Variants in DTWD2 observed in about 807,000 individuals in gnomAD.
The protein encoded by DTWD2 is DTW motif tRNA-uridine aminocarboxypropyltransferase 2, also known as tRNA-uridine aminocarboxypropyltransferase 2.
In DTWD2, 39 loss-of-function variants were observed where a neutral mutation model predicts 31.8. The ratio of observed to expected loss-of-function variants is 1.22; its 90% CI spans 0.95 to 1.60. The LOEUF (loss-of-function observed/expected upper bound fraction) is 1.60. Among genes scored for constraint, DTWD2 ranks in the 40% most tolerant of loss-of-function variants. DTWD2 has a pLI of 0.00. For missense variants in DTWD2, 515 were observed against 381.5 expected (o/e 1.35, Z -2.92); for synonymous variants, 180 against 142.8 (o/e 1.26, Z -1.86).
intron 4 of DTWD2, among the ~76,000 whole-genome samples, chr5:118,864,984 T>C (rs1387198869): frequency 6.6e-6 from 1 of 152,116 alleles, no homozygotes; most frequent in African/African-American, 2.4e-5. Context: ...CTACAGAAAG[T>C]GTTAATGAAA....
intron 1 of DTWD2, among the ~76,000 whole-genome samples, chr5:118,963,494 G>A (rs1280740700): frequency 1.3e-5 from 2 of 152,210 alleles, no homozygotes; most frequent in African/African-American, 4.8e-5. Flanking sequence ...GCAGGACTTG[G>A]ATGTTACACA....
In DTWD2 at chr5:118,863,844, C is replaced by G. The variant is rs368411348; in HGVS notation, c.598-15626G>C. 2.8e-4 allele frequency among the ~76,000 whole-genome samples: 43 copies of G among 152,098 alleles called. 1 individual carries two copies. The highest frequency in any genetic ancestry group is 1.0e-3 in the African/African-American group (43 of 41,456). On this transcript the variant is annotated intron_variant, in intron 4 of 5. Transcript: ENST00000510708. ...TAGTTCCTGTGTCCAAATTAGAAGA[C>G]TAAGGCTCAAAAACAGAGTACACAA...
At chr5:118,928,293 T>G (rs2149578666) in intron 4 of DTWD2, among the ~76,000 whole-genome samples, 1 of 152,054 alleles carries the variant, frequency 6.6e-6, no homozygotes, top group East Asian at 1.9e-4. Flanking sequence ...ATGCCTCAAC[T>G]ACAGTAAAAT....
chr5:118,847,272 G>A (rs1340114771), intron 5 of DTWD2, among the ~76,000 whole-genome samples: 1 of 152,078 alleles, frequency 6.6e-6, no homozygotes, highest in Non-Finnish European at 1.5e-5. Context: ...TTTCGCGTGT[G>A]TATGTGCGTG....
chr5:118,878,188 G>C (rs531965171), intron 4 of DTWD2, among the ~76,000 whole-genome samples: 95 of 152,218 alleles, frequency 6.2e-4, no homozygotes, highest in African/African-American at 2.2e-3. Context: ...AACCAAAAAA[G>C]AGCCCAAATA....
At chr5:118,859,274 T>C (rs1172290969) in intron 4 of DTWD2, among the ~76,000 whole-genome samples, 2 of 151,988 alleles carry the variant, frequency 1.3e-5, no homozygotes, top group East Asian at 1.9e-4. Flanking sequence ...AAAGGCAGGA[T>C]AAATAAAGAG....
chr5:118,844,849 C>T lies in DTWD2; in HGVS notation c.726+3241G>A, dbSNP rs146248591. 7.8e-4 allele frequency among the ~76,000 whole-genome samples: 119 copies of T among 152,296 alleles called. No homozygotes were observed. The East Asian group carries it at 0.021, about 27-fold the overall frequency. On this transcript the variant is annotated intron_variant, in intron 5 of 5. Coordinates refer to ENST00000510708, the MANE Select transcript of DTWD2 (RefSeq NM_173666.4). ...TGAAGCCAAGTGAAAATTTACTCTTCTCTGGCAGGCACAGTAGCTCAGACC... is the reference window on the plus strand; with the variant it reads ...TGAAGCCAAGTGAAAATTTACTCTTTTCTGGCAGGCACAGTAGCTCAGACC...
At chr5:118,964,522 C>A (rs1050626994) in intron 1 of DTWD2, among the ~76,000 whole-genome samples, 1 of 152,200 alleles carries the variant, frequency 6.6e-6, no homozygotes, top group African/African-American at 2.4e-5. Context: ...GCCATCTCTG[C>A]TCACTGCAAC....
At chr5:118,973,710 G>C in intron 1 of DTWD2, 1 of 1,528,258 alleles carries the variant, frequency 6.5e-7, no homozygotes. Context: ...CTCCGCCGCC[G>C]CGGACTCCGG....
At position 118,939,197 on chromosome 5, in the gene DTWD2, T is replaced by A. The variant is rs958314704; in HGVS notation, c.403A>T (p.Arg135Ter). 6.2e-7 allele frequency: 1 copy of A among 1,600,810 alleles called. No individual in the cohort carries two copies. Among genetic ancestry groups the A allele is most frequent in the African/African-American group, 1.3e-5 (1 of 74,270 alleles). ...ACATTGCCCTAACAGTTAATTTACCTTTCTTCACTGAAGCGACGACCGATC... is the reference window on the plus strand; with the variant it reads ...ACATTGCCCTAACAGTTAATTTACCATTCTTCACTGAAGCGACGACCGATC... ...VKIGRRFSEE[R>*]DPELSTVCRK... Residue 135 changes from arginine to a stop codon, truncating the protein, a stop_gained and splice_region_variant, in exon 3 of 6, where the codon AGA becomes TGA. Transcript: ENST00000510708. LOFTEE classifies it high-confidence loss of function.
rs527292084 is a variant in DTWD2, at chr5:118,882,352, G to C, written c.598-34134C>G. 4.6e-5 allele frequency among the ~76,000 whole-genome samples: 7 copies of C among 152,332 alleles called. No individual in the cohort carries two copies. In the East Asian group the frequency reaches 5.8e-4, roughly 13 times the overall value. ...ACAGTCCCTACGGCTGCTTTCATGGGCTGGCATTGAGTATCTGTGGCTTTT... is the reference window on the plus strand; with the variant it reads ...ACAGTCCCTACGGCTGCTTTCATGGCCTGGCATTGAGTATCTGTGGCTTTT... On this transcript the variant is annotated intron_variant, in intron 4 of 5. Transcript: ENST00000510708.
At chr5:118,979,339 A>T (rs1425821317) in intron 1 of DTWD2, among the ~76,000 whole-genome samples, 1 of 152,142 alleles carries the variant, frequency 6.6e-6, no homozygotes, top group Non-Finnish European at 1.5e-5. Context: ...AAAAATAAAT[A>T]AAAGGTCAAA....
At chr5:118,948,969 T>C (rs2149587875) in intron 1 of DTWD2, among the ~76,000 whole-genome samples, 1 of 152,298 alleles carries the variant, frequency 6.6e-6, no homozygotes, top group South Asian at 2.1e-4. Flanking sequence ...GGTTAGGGTT[T>C]GGGAGATTAG....
chr5:118,931,470 G>A (rs1017078538), intron 3 of DTWD2, among the ~76,000 whole-genome samples: 2 of 148,614 alleles, frequency 1.3e-5, no homozygotes, highest in Non-Finnish European at 3.0e-5. Flanking sequence ...GCAGACATCA[G>A]AAGGAAACTT....
chr5:118,871,341 T>C (rs970723976), intron 4 of DTWD2, among the ~76,000 whole-genome samples: 8 of 152,336 alleles, frequency 5.3e-5, no homozygotes, highest in African/African-American at 1.7e-4. Context: ...CTCCCACGAA[T>C]CACAAATGTT....
chr5:118,874,197 C>T (rs559026457), intron 4 of DTWD2, among the ~76,000 whole-genome samples: 86 of 152,210 alleles, frequency 5.7e-4, no homozygotes, highest in African/African-American at 1.9e-3. Context: ...AAAGAAAACC[C>T]ATCCAAGGGT....
chr5:118,988,473 G>T lies in DTWD2; in HGVS notation c.39C>A (p.Pro13=). 1.2e-6 allele frequency: 2 copies of T among 1,605,282 alleles called. No homozygotes were observed. The highest frequency in any genetic ancestry group is 1.7e-6 in the Non-Finnish European group (2 of 1,177,530). ...TTGAGGCCCCAGAAGGCCGCGCAAC[G>T]GGCTCCTGGAGTGTTCGTGCCTCTT... is the stretch of plus-strand genomic sequence containing the variant. ...SQKEARTLQE[P]VARPSGASSS... is the part of the protein sequence containing the mutation. The change falls in exon 1 of 6, where the codon CCC becomes CCA. Residue 13 remains proline, a synonymous_variant. Transcript: ENST00000510708.
At chr5:118,974,599 C>G (rs1448014092) in intron 1 of DTWD2, 1 of 505,982 alleles carries the variant, frequency 2.0e-6, no homozygotes, top group Admixed American at 2.4e-5. Flanking sequence ...TTATTCCGAG[C>G]ATTCCAGTAA....
chr5:118,915,392 T>TC (rs1753551168), intron 4 of DTWD2, among the ~76,000 whole-genome samples: 1 of 148,160 alleles, frequency 6.7e-6, no homozygotes, highest in Non-Finnish European at 1.5e-5. Flanking sequence ...TTTTTTTTTT[T>TC]CAGACAGAGT....
Sources: allele counts gnomAD v4.1 joint callset (sites outside exome capture counted in the v4.1 genomes callset), GRCh38; gene constraint gnomAD v4.1.1; transcripts MANE v1.5; gene names NCBI Gene and HGNC (gene_info 2026-07-23, HGNC 2026-07-21).